Variants in EMCN observed in about 807,000 individuals in gnomAD.
EMCN encodes endomucin.
A neutral mutation model predicts 38.4 loss-of-function variants in EMCN; 37 were observed. The ratio of observed to expected loss-of-function variants is 0.96; its 90% CI spans 0.74 to 1.27. The LOEUF (loss-of-function observed/expected upper bound fraction) is 1.27, where lower values mean the gene tolerates loss of function less well. EMCN is among the 50% of genes most tolerant of loss of function. The pLI is 0.00. For missense variants in EMCN, 318 were observed against 302.8 expected, an observed-to-expected ratio of 1.05 and a Z score of -0.37; for synonymous variants, 95 against 100.8, an observed-to-expected ratio of 0.94 and a Z score of 0.35.
In EMCN at chr4:100,447,503, T is replaced by TG. The variant is rs768134363; in HGVS notation, c.415+29_415+30insC. The stretch of plus-strand genomic sequence containing the variant: ...CTTGAGATTTTACCCATGAAAATAC[T>TG]AAGAGAGAGACAGAGAAAAAAGAGC... On this transcript the variant is annotated intron_variant, in intron 5 of 11. Transcript: ENST00000296420. 7.2e-6 allele frequency: 11 copies of TG among 1,525,286 alleles called. No homozygotes were observed. The South Asian group carries it at 9.1e-5, about 13-fold the overall frequency. The allele number at this position is 1,525,286 out of a possible 1,614,324, so 94.5% of individuals were successfully genotyped here. A position where few individuals can be genotyped will look rare whatever the true frequency, so the allele number is the denominator to read the frequency against.
At chr4:100,420,903 C>T (rs966065195) in intron 8 of EMCN, among the ~76,000 whole-genome samples, 6 of 151,822 alleles carry the variant, frequency 4.0e-5, no homozygotes, top group African/African-American at 7.3e-5. Context: ...ATTATGGGCC[C>T]CTGAGCTGAA....
At chr4:100,416,113 C>CATATATAT (rs35553330) in intron 9 of EMCN, among the ~76,000 whole-genome samples, 154 bp from the exon 10 acceptor site, 42 of 147,816 alleles carry the variant, frequency 2.8e-4, no homozygotes, top group African/African-American at 9.4e-4. Context: ...TGTATACATA[C>CATATATAT]ATATATATAT....
chr4:100,461,562 A>G lies in EMCN; in HGVS notation c.376+3861T>C, dbSNP rs371925023. 1.2e-4 allele frequency among the ~76,000 whole-genome samples: 18 copies of G among 152,318 alleles called. No homozygotes were observed. The South Asian group carries it at 2.7e-3, about 23-fold the overall frequency. On this transcript the variant is annotated intron_variant, in intron 4 of 11. Transcript: ENST00000296420. ...TTTTAAATAATAAAGTCAGAGCACT[A>G]GATTAATGAGAAGTTCTATCTTAAA...
intron 10 of EMCN, among the ~76,000 whole-genome samples, chr4:100,413,995 T>C (rs1211671927): frequency 3.9e-5 from 6 of 152,190 alleles, no homozygotes; most frequent in African/African-American, 1.4e-4. Flanking sequence ...AGTCTGCTAT[T>C]ACATTTGCAA....
At chr4:100,400,536 C>G (rs1372449015) in intron 11 of EMCN, among the ~76,000 whole-genome samples, 1 of 152,090 alleles carries the variant, frequency 6.6e-6, no homozygotes, top group African/African-American at 2.4e-5. Flanking sequence ...CTTCTATAAG[C>G]TCCTTGAGAA....
chr4:100,464,985 T>C (rs1380213878), intron 4 of EMCN, among the ~76,000 whole-genome samples: 2 of 152,178 alleles, frequency 1.3e-5, no homozygotes, highest in African/African-American at 4.8e-5. Context: ...AATTGACAAT[T>C]GAAGCCATCA....
chr4:100,412,201 G>A (rs10516464), intron 10 of EMCN, among the ~76,000 whole-genome samples: 27,240 of 152,008 alleles, frequency 0.18, 2,658 homozygotes, highest in Middle Eastern at 0.3. Context: ...GAATGAAGTC[G>A]GAGAAATATG....
intron 1 of EMCN, among the ~76,000 whole-genome samples, chr4:100,497,930 A>G (rs545551197): frequency 9.7e-4 from 148 of 152,318 alleles, no homozygotes; most frequent in African/African-American, 3.4e-3. Flanking sequence ...AGTCATTAAT[A>G]TGGTATTTTA....
intron 2 of EMCN, among the ~76,000 whole-genome samples, chr4:100,477,892 A>G (rs1002731647): frequency 1.3e-5 from 2 of 152,168 alleles, no homozygotes; most frequent in Admixed American, 1.3e-4. Flanking sequence ...GAGTCCTGAA[A>G]TTAGTAAGTC....
chr4:100,441,116 C>T (rs1160692075), intron 5 of EMCN, among the ~76,000 whole-genome samples: 5 of 151,736 alleles, frequency 3.3e-5, no homozygotes, highest in African/African-American at 1.2e-4. Context: ...GTATTAAAGT[C>T]CTTCAATATT....
chr4:100,446,508 T>A (rs537026998), intron 5 of EMCN, among the ~76,000 whole-genome samples: 2 of 152,258 alleles, frequency 1.3e-5, no homozygotes, highest in Non-Finnish European at 2.9e-5. Context: ...GTGTCACTCA[T>A]AATTTTTTTA....
At chr4:100,435,556 C>T (rs1012684023) in intron 5 of EMCN, among the ~76,000 whole-genome samples, 1 of 152,042 alleles carries the variant, frequency 6.6e-6, no homozygotes, top group African/African-American at 2.4e-5. Flanking sequence ...CCAAAAAGAG[C>T]CTGAATATCC....
chr4:100,399,026 AT>A (rs562075927), intron 11 of EMCN, among the ~76,000 whole-genome samples: 6 of 152,184 alleles, frequency 3.9e-5, no homozygotes, highest in Non-Finnish European at 7.4e-5. Context: ...TAATTAAAAA[AT>A]TTATGGGCAA....
At chr4:100,474,957 T>C in intron 3 of EMCN, 81 bp downstream of exon 3, 1 of 625,992 alleles carries the variant, frequency 1.6e-6, no homozygotes, top group East Asian at 3.4e-5. Context: ...AACTTCTGAA[T>C]TGTACACTTT....
intron 2 of EMCN, among the ~76,000 whole-genome samples, chr4:100,478,419 ATTTGATGATGGCATGGTAGC>A (rs1480726557): frequency 6.6e-6 from 1 of 152,118 alleles, no homozygotes; most frequent in African/African-American, 2.4e-5. Flanking sequence ...TATTTGGAGG[ATTTGATGATGGCATGGTAGC>A]TTTGTGATTG....
intron 5 of EMCN, among the ~76,000 whole-genome samples, chr4:100,426,242 G>C (rs80225197): frequency 6.6e-6 from 1 of 152,028 alleles, no homozygotes; most frequent in Non-Finnish European, 1.5e-5. Context: ...ATTTACCCAC[G>C]TGTCCTCTGA....
chr4:100,413,731 G>A (rs1207189196), intron 10 of EMCN, among the ~76,000 whole-genome samples: 1 of 152,176 alleles, frequency 6.6e-6, no homozygotes, highest in East Asian at 1.9e-4. Context: ...TGCCCTTTGA[G>A]AGGTTATTTT....
chr4:100,450,752 G>A (rs1727815641), intron 4 of EMCN, among the ~76,000 whole-genome samples: 1 of 151,886 alleles, frequency 6.6e-6, no homozygotes, highest in Admixed American at 6.6e-5. Flanking sequence ...TATGAGAAAT[G>A]TTATAACTAA....
chr4:100,497,205 A>C lies in EMCN; in HGVS notation c.65-17166T>G, dbSNP rs1560641040. Among the ~76,000 whole-genome samples the C allele has an allele frequency of 4.6e-5, 7 of 151,292 alleles. No homozygotes were observed. In the South Asian group the frequency reaches 1.5e-3, roughly 31 times the overall value. ...GTATAAGACCTACAATAATCTAGCT[A>C]GACTTGAGTAAGGCTTTTGATTTTT... On this transcript the variant is annotated intron_variant, in intron 1 of 11. Coordinates refer to ENST00000296420, the MANE Select transcript of EMCN (RefSeq NM_016242.4).
Sources: allele counts gnomAD v4.1 joint callset (sites outside exome capture counted in the v4.1 genomes callset), GRCh38; gene constraint gnomAD v4.1.1; transcripts MANE v1.5; gene names NCBI Gene and HGNC (gene_info 2026-07-23, HGNC 2026-07-21).